ARHGAP11A: variants seen among roughly 807,000 people sequenced by gnomAD.
ARHGAP11A encodes the protein rho GTPase-activating protein 11A.
A neutral mutation model predicts 60.5 loss-of-function variants in ARHGAP11A; 36 were observed. The observed-to-expected ratio is 0.59, with a 90% CI of 0.46 to 0.79. The LOEUF (loss-of-function observed/expected upper bound fraction) is 0.79, where lower values mean the gene tolerates loss of function less well. Among genes scored for constraint, ARHGAP11A ranks in the 30% least tolerant of loss-of-function variants. The pLI, the probability that ARHGAP11A is intolerant of heterozygous loss-of-function variation, is 0.00. For missense variants in ARHGAP11A, 1,071 were observed against 1,199.2 expected (o/e 0.89, Z 1.58); for synonymous variants, 362 against 415.5 (o/e 0.87, Z 1.57).
chr15:32,637,735 A>G lies in ARHGAP11A; in HGVS notation c.2962A>G (p.Arg988Gly). ...GGGCATTTCTTCTGGGATAAATAAC[A>G]GGGTCCTTAGGAGACCATCAGAAAG... The part of the protein sequence containing the change: ...NMGISSGINN[R>G]VLRRPSERGR... Residue 988 changes from arginine to glycine, a missense_variant, in exon 12 of 12, where the codon AGG becomes GGG. Arg to Gly is a moderately radical substitution (Grantham distance 125). This residue lies in a region of ARHGAP11A where 776 missense variants were observed against 760.2 expected (regional missense o/e 1.02). Coordinates refer to ENST00000361627, the MANE Select transcript of ARHGAP11A (RefSeq NM_014783.6). The G allele has an allele frequency of 6.2e-7, 1 of 1,614,208 alleles. No individual in the cohort carries two copies. The highest frequency in any genetic ancestry group is 8.5e-7 in the Non-Finnish European group (1 of 1,180,032).
At chr15:32,623,780 G>A (rs540779321) in intron 3 of ARHGAP11A, among the ~76,000 whole-genome samples, 192 bp downstream of exon 3, 2 of 151,740 alleles carry the variant, frequency 1.3e-5, no homozygotes, top group African/African-American at 4.8e-5. Flanking sequence ...AATTTAATAG[G>A]GTACTTTTAA....
At position 32,629,781 on chromosome 15, in the gene ARHGAP11A, A is replaced by G. The variant is rs1162557535; in HGVS notation, c.1105+19A>G. On this transcript the variant is annotated intron_variant, in intron 8 of 11. Coordinates refer to ENST00000361627, the MANE Select transcript of ARHGAP11A (RefSeq NM_014783.6). ...GTATCAGGTAGCAAATAGAATTTAT[A>G]TAAATGGATTGTAAAGATTAAAATG... The G allele has an allele frequency of 3.8e-6, 6 of 1,575,786 alleles. No individual in the cohort carries two copies. Among genetic ancestry groups the G allele is most frequent in the Non-Finnish European group, 5.2e-6 (6 of 1,162,520 alleles).
Position 32,628,775 on chromosome 15 carries a change from T to A in ARHGAP11A, c.910T>A (p.Ser304Thr), listed in dbSNP as rs747204719. ...TAAATTTAAACCTAACAGAACACCT[T>A]CTATTACACCTCAAGAAGAAAGAAT... ...LNKFKPNRTP[S>T]ITPQEERIAQ... The change falls in exon 7 of 12, where the codon TCT becomes ACT. Residue 304 changes from serine to threonine, a missense_variant. This residue lies in a region of ARHGAP11A where 196 missense variants were observed against 272.1 expected (regional missense o/e 0.72). Transcript: ENST00000361627. 3 of 1,561,448 alleles carry A rather than the reference T, an allele frequency of 1.9e-6. No homozygotes were observed. In the African/African-American group the frequency reaches 4.2e-5, roughly 22 times the overall value.
intron 7 of ARHGAP11A, among the ~76,000 whole-genome samples, chr15:32,629,212 T>C (rs1355665693): frequency 1.4e-5 from 2 of 145,346 alleles, no homozygotes; most frequent in African/African-American, 5.1e-5. Context: ...TTCTGTTTTC[T>C]AGAGTGAAGA....
Position 32,637,017 on chromosome 15 carries a change from A to T in ARHGAP11A, c.2244A>T (p.Leu748Phe). The change falls in exon 12 of 12, where the codon TTA (leucine) becomes TTT (phenylalanine). Residue 748 changes from leucine to phenylalanine, a missense_variant. Transcript: ENST00000361627. ...ATGAGAATATGATGGAAGGTAACTT[A>T]CCGAAGTGTGCAGCACATAGCAAGG... ...KENENMMEGN[L>F]PKCAAHSKDE... 6.2e-7 allele frequency: 1 copy of T among 1,613,026 alleles called. No homozygotes were observed. Among genetic ancestry groups the T allele is most frequent in the Non-Finnish European group, 8.5e-7 (1 of 1,179,788 alleles).
chr15:32,619,170 C>T (rs754988203), intron 1 of ARHGAP11A, among the ~76,000 whole-genome samples: 1 of 152,062 alleles, frequency 6.6e-6, no homozygotes, highest in African/African-American at 2.4e-5. Context: ...AACATAAATA[C>T]TTCTTGGTTG....
In ARHGAP11A at chr15:32,616,628, GA is replaced by G. The variant is rs200227860; in HGVS notation, c.129+290del. 4.9e-3 allele frequency among the ~76,000 whole-genome samples: 747 copies of G among 152,288 alleles called. 2 individuals carry two copies. Among genetic ancestry groups the G allele is most frequent in the African/African-American group, 0.017 (720 of 41,558 alleles). ...AGGGGAAGACGAAATGCTGTTCTGT[GA>G]ATTGTGGGATGTTTAGCGGGATGTC... On this transcript the variant is annotated intron_variant, in intron 1 of 11. Transcript: ENST00000361627.
Position 32,637,088 on chromosome 15 carries a change from C to G in ARHGAP11A, c.2315C>G (p.Thr772Arg). The change falls in exon 12 of 12, where the codon ACA becomes AGA. Residue 772 changes from threonine to arginine, a missense_variant. Physicochemically the swap from Thr to Arg is moderately conservative, Grantham distance 71. This residue lies in a region of ARHGAP11A where 776 missense variants were observed against 760.2 expected (regional missense o/e 1.02). Transcript: ENST00000361627. ...SFSQQSTCVV[T>R]NLSKPRPMRI... ...TCACAGCAGAGTACATGTGTTGTAA[C>G]AAACTTGTCAAAACCTAGGCCTATG... The G allele has an allele frequency of 6.2e-7, 1 of 1,613,974 alleles. No individual in the cohort carries two copies. Among genetic ancestry groups the G allele is most frequent in the Non-Finnish European group, 8.5e-7 (1 of 1,180,028 alleles).
chr15:32,617,732 A>G (rs1489127103), intron 1 of ARHGAP11A, among the ~76,000 whole-genome samples: 1 of 152,108 alleles, frequency 6.6e-6, no homozygotes, highest in Non-Finnish European at 1.5e-5. Context: ...TCGGCCTCCC[A>G]AAGTGGTGGG....
intron 1 of ARHGAP11A, 49 bp downstream of exon 1, chr15:32,616,389 T>A (rs1350275438): frequency 6.2e-7 from 1 of 1,610,814 alleles, no homozygotes; most frequent in South Asian, 1.1e-5. Context: ...GGCACACCCT[T>A]TATCATCACT....
intron 1 of ARHGAP11A, among the ~76,000 whole-genome samples, chr15:32,619,115 G>C (rs565913785): frequency 4.6e-5 from 7 of 152,310 alleles, no homozygotes; most frequent in African/African-American, 1.2e-4. Context: ...TGACAATGCT[G>C]AGTGGTTTTT....
At chr15:32,621,723 G>C (rs2053315377) in intron 2 of ARHGAP11A, among the ~76,000 whole-genome samples, 1 of 152,290 alleles carries the variant, frequency 6.6e-6, no homozygotes. Flanking sequence ...TACTCGGGAG[G>C]CTGAGGCAGG....
At chr15:32,619,261 A>G (rs2053240330) in intron 1 of ARHGAP11A, among the ~76,000 whole-genome samples, 1 of 152,234 alleles carries the variant, frequency 6.6e-6, no homozygotes, top group African/African-American at 2.4e-5. Context: ...GAGATTATGC[A>G]TACCCACTTA....
chr15:32,635,990 TA>T, intron 11 of ARHGAP11A, 75 bp downstream of exon 11: 1 of 1,489,202 alleles, frequency 6.7e-7, no homozygotes, highest in Non-Finnish European at 8.9e-7. Flanking sequence ...CAAAACATAT[TA>T]ATTAATTTAC....
chr15:32,634,452 T>C (rs1403978569), intron 10 of ARHGAP11A, among the ~76,000 whole-genome samples: 1 of 152,240 alleles, frequency 6.6e-6, no homozygotes, highest in Non-Finnish European at 1.5e-5. Flanking sequence ...TGTCAAATAC[T>C]TAAAAGCTTT....
rs183090326 is a variant in ARHGAP11A, at chr15:32,619,326, A to G, written c.130-782A>G. On this transcript the variant is annotated intron_variant, in intron 1 of 11. Transcript: ENST00000361627. ...GAATTTACCTTTCAGTGCTGTGGAA[A>G]GCGACACATTTTTAAGAGGTTCGAA... 7.3e-3 allele frequency among the ~76,000 whole-genome samples: 1,112 copies of G among 152,358 alleles called. 9 individuals carry two copies. The highest frequency in any genetic ancestry group is 0.011 in the Non-Finnish European group (754 of 68,038).
intron 5 of ARHGAP11A, 122 bp downstream of exon 5, chr15:32,625,365 A>G (rs199640931): frequency 0.027 from 39,235 of 1,457,602 alleles, 686 homozygotes; most frequent in East Asian, 0.086. Flanking sequence ...CCCCCACCCT[A>G]CAGTACCGGC....
rs1226150887 is a variant in ARHGAP11A at position 32,639,488 on chromosome 15, A to G, written c.*1643A>G. ...GTCAGATATATGTTGTCTGCTTTAA[A>G]CAATTTTTAAATTTTAAAAATGCAT... On this transcript the variant is annotated 3_prime_UTR_variant, in exon 12 of 12. Coordinates refer to ENST00000361627, the MANE Select transcript of ARHGAP11A (RefSeq NM_014783.6). 2.0e-5 allele frequency: 3 copies of G among 152,246 alleles called. No homozygotes were observed. Among genetic ancestry groups the G allele is most frequent in the Non-Finnish European group, 4.4e-5 (3 of 68,044 alleles). The allele number at this position is 152,246 out of a possible 1,614,324, so 9.4% of individuals were successfully genotyped here.
At chr15:32,627,446 T>C (rs1426901161) in intron 6 of ARHGAP11A, among the ~76,000 whole-genome samples, 4 of 152,026 alleles carry the variant, frequency 2.6e-5, no homozygotes, top group Non-Finnish European at 5.9e-5. Context: ...AAGAATCTTC[T>C]TGGCCGGGCG....
Sources: gnomAD v4.1 joint callset for allele counts (sites outside exome capture counted in the v4.1 genomes callset) on GRCh38, gnomAD v4.1.1 for gene constraint, gnomAD v4.1.1 regional missense constraint, MANE v1.5 for transcripts, NCBI Gene and HGNC (gene_info 2026-07-23, HGNC 2026-07-21) for gene names.